AKAP19: variants seen among roughly 807,000 people sequenced by gnomAD.
The protein encoded by AKAP19 is small A-kinase anchoring protein.
the AKAP19 span, among the ~76,000 whole-genome samples, chr2:190,046,881 A>T: frequency 1.3e-5 from 2 of 152,184 alleles, no homozygotes; most frequent in Non-Finnish European, 2.9e-5. Flanking sequence ...AGTTAATATG[A>T]TTGGTTTCTT....
chr2:189,958,339 T>G, the AKAP19 span, among the ~76,000 whole-genome samples: 2 of 152,054 alleles, frequency 1.3e-5, 1 homozygote, highest in Admixed American at 1.3e-4. Flanking sequence ...TAAACTTAGC[T>G]GCTTGGCTTA....
At chr2:189,901,226 C>T in the AKAP19 span, among the ~76,000 whole-genome samples, 1 of 151,920 alleles carries the variant, frequency 6.6e-6, no homozygotes, top group Non-Finnish European at 1.5e-5. Flanking sequence ...TTTGTGTCAT[C>T]AAATATATTA....
the AKAP19 span, among the ~76,000 whole-genome samples, chr2:190,022,090 A>G: frequency 6.6e-6 from 1 of 152,104 alleles, no homozygotes; most frequent in Non-Finnish European, 1.5e-5. Context: ...TTGATCCATT[A>G]ATCTATGCAT....
At chr2:190,198,254 G>A in the AKAP19 span, among the ~76,000 whole-genome samples, 1 of 152,124 alleles carries the variant, frequency 6.6e-6, no homozygotes, top group Non-Finnish European at 1.5e-5. Flanking sequence ...ATAATATATG[G>A]TGGTAGACCT....
the AKAP19 span, among the ~76,000 whole-genome samples, chr2:190,088,210 G>A: frequency 6.6e-6 from 1 of 152,170 alleles, no homozygotes; most frequent in Non-Finnish European, 1.5e-5. Flanking sequence ...TGAGAGGAGA[G>A]TGAATGCACA....
At chr2:189,901,928 A>G in the AKAP19 span, among the ~76,000 whole-genome samples, 1 of 152,158 alleles carries the variant, frequency 6.6e-6, no homozygotes, top group Non-Finnish European at 1.5e-5. Context: ...AGTACTATGT[A>G]TGAGTCATTA....
At chr2:190,077,506 G>A in the AKAP19 span, among the ~76,000 whole-genome samples, 1 of 152,070 alleles carries the variant, frequency 6.6e-6, no homozygotes, top group Non-Finnish European at 1.5e-5. Flanking sequence ...AAATGTTAAT[G>A]TTGGTCAGGC....
At chr2:190,135,135 T>C in the AKAP19 span, among the ~76,000 whole-genome samples, 1 of 152,210 alleles carries the variant, frequency 6.6e-6, no homozygotes, top group Non-Finnish European at 1.5e-5. Context: ...TATTTCGGCA[T>C]GAATAATTTT....
chr2:189,904,795 T>C, the AKAP19 span, among the ~76,000 whole-genome samples: 2 of 152,070 alleles, frequency 1.3e-5, no homozygotes, highest in Admixed American at 1.3e-4. Context: ...GTTCAAACTC[T>C]GCCCTTGGCA....
chr2:189,988,259 T>C, the AKAP19 span, among the ~76,000 whole-genome samples: 1 of 152,154 alleles, frequency 6.6e-6, no homozygotes, highest in African/African-American at 2.4e-5. Context: ...AAGGCAGGCT[T>C]AGAAAACATG....
the AKAP19 span, among the ~76,000 whole-genome samples, chr2:189,907,573 C>T: frequency 1.3e-5 from 2 of 152,082 alleles, no homozygotes; most frequent in African/African-American, 4.8e-5. Flanking sequence ...TTTGTCTCTA[C>T]TCACTAGAAA....
At chr2:190,001,346 C>T in the AKAP19 span, among the ~76,000 whole-genome samples, 4 of 152,118 alleles carry the variant, frequency 2.6e-5, no homozygotes, top group African/African-American at 9.7e-5. Flanking sequence ...CTATTAACGG[C>T]TTTCTCCCCC....
the AKAP19 span, among the ~76,000 whole-genome samples, chr2:189,943,717 C>T: frequency 1.3e-5 from 2 of 152,236 alleles, no homozygotes; most frequent in African/African-American, 4.8e-5. Flanking sequence ...TGCAAAGCCA[C>T]AGAGGTGGAG....
the AKAP19 span, among the ~76,000 whole-genome samples, chr2:190,002,282 T>A: frequency 6.6e-6 from 1 of 152,242 alleles, no homozygotes; most frequent in African/African-American, 2.4e-5. Context: ...GAGGATTTGC[T>A]TTGCTTGTTA....
chr2:189,947,331 A>G, the AKAP19 span, among the ~76,000 whole-genome samples: 4 of 152,084 alleles, frequency 2.6e-5, no homozygotes, highest in Non-Finnish European at 5.9e-5. Context: ...GCTATTTTAT[A>G]TTTTTTCACA....
chr2:190,149,703 T>G, the AKAP19 span, among the ~76,000 whole-genome samples: 1 of 152,198 alleles, frequency 6.6e-6, no homozygotes. Context: ...ATAATTTCAG[T>G]TTTCTTAAAT....
At chr2:190,156,540 G>A in the AKAP19 span, among the ~76,000 whole-genome samples, 3 of 152,124 alleles carry the variant, frequency 2.0e-5, no homozygotes, top group Admixed American at 6.5e-5. Flanking sequence ...ACACATGATA[G>A]AGAAGATTTG....
the AKAP19 span, among the ~76,000 whole-genome samples, chr2:190,195,530 C>T: frequency 4.9e-4 from 75 of 152,282 alleles, no homozygotes; most frequent in East Asian, 7.5e-3. Flanking sequence ...CTTTTCCATA[C>T]GTTTATGTGC....
the AKAP19 span, among the ~76,000 whole-genome samples, chr2:189,957,849 A>AGT: frequency 1.3e-5 from 2 of 152,234 alleles, no homozygotes; most frequent in Non-Finnish European, 2.9e-5. Context: ...GCTGGAATGC[A>AGT]GTGGTGCCAT....
Sources: gnomAD v4.1 joint callset for allele counts (sites outside exome capture counted in the v4.1 genomes callset) on GRCh38, gnomAD v4.1.1 for gene constraint, MANE v1.5 for transcripts, NCBI Gene and HGNC (gene_info 2026-07-23, HGNC 2026-07-21) for gene names.